The following CELF1 variants were observed in gnomAD, a reference collection of about 807,000 sequenced individuals.
CELF1 encodes the protein 50 kDa nuclear polyadenylated RNA-binding protein.
Under a neutral mutation model 61.8 loss-of-function variants are expected in CELF1, and 10 were observed. The ratio of observed to expected loss-of-function variants is 0.16; its 90% CI spans 0.10 to 0.27. CELF1 has a LOEUF of 0.27. CELF1 is among the 10% of genes least tolerant of loss of function. CELF1 has a pLI of 1.00. For synonymous variants in CELF1, 236 were observed against 225.1 expected (o/e 1.05, Z -0.43); for missense variants, 380 against 639.1 (o/e 0.59, Z 4.37).
chr11:47,495,489 C>T lies in CELF1; in HGVS notation c.71+3964G>A, dbSNP rs555088050. Among the ~76,000 whole-genome samples, 8 of 152,220 alleles carry T rather than the reference C, an allele frequency of 5.3e-5. No homozygotes were observed. The South Asian group carries it at 1.5e-3, about 28-fold the overall frequency. On this transcript the variant is annotated intron_variant, in intron 3 of 14. Coordinates refer to ENST00000687097, the MANE Select transcript of CELF1 (RefSeq NM_001376376.1). The stretch of plus-strand genomic sequence containing the variant: ...TGCAATTAAATAGTGGAAATGGTTA[C>T]ACAACTCTGGAATATACTAAAAATC...
At chr11:47,529,077 C>CTTTT (rs1162581463) in intron 1 of CELF1, among the ~76,000 whole-genome samples, 1 of 133,654 alleles carries the variant, frequency 7.5e-6, no homozygotes, top group African/African-American at 2.7e-5. Context: ...GTTTATTTTA[C>CTTTT]TTTTTTTTTT....
intron 3 of CELF1, chr11:47,496,068 G>C (rs766122749): frequency 2.2e-6 from 2 of 902,646 alleles, no homozygotes; most frequent in Non-Finnish European, 2.7e-6. Context: ...ACAGAAGTGC[G>C]TGAGAATAAA....
intron 2 of CELF1, among the ~76,000 whole-genome samples, chr11:47,500,647 C>T (rs1052233872): frequency 7.2e-5 from 11 of 152,150 alleles, no homozygotes; most frequent in Non-Finnish European, 1.0e-4. Flanking sequence ...CTAGTGAGTG[C>T]ACACATAAAA....
intron 12 of CELF1, among the ~76,000 whole-genome samples, chr11:47,476,280 C>T (rs1295078791): frequency 6.6e-6 from 1 of 152,202 alleles, no homozygotes; most frequent in Non-Finnish European, 1.5e-5. Flanking sequence ...GTATGAGCCA[C>T]TGTACCTGGC....
upstream of CELF1, among the ~76,000 whole-genome samples, chr11:47,554,186 T>C (rs1463722489): frequency 2.6e-5 from 4 of 151,974 alleles, no homozygotes; most frequent in Non-Finnish European, 4.4e-5. Flanking sequence ...CTTTCGCCTT[T>C]GGGGGGGAAA....
chr11:47,533,492 T>C (rs920549077), intron 1 of CELF1, among the ~76,000 whole-genome samples: 4 of 152,090 alleles, frequency 2.6e-5, no homozygotes, highest in Admixed American at 1.3e-4. Flanking sequence ...CATGGCAGTG[T>C]ATGCCTGTAG....
At position 47,493,408 on chromosome 11, in the gene CELF1, T is replaced by C. The variant is rs562053475; in HGVS notation, c.72-4384A>G. Among the ~76,000 whole-genome samples, 639 of 147,496 alleles carry C rather than the reference T, an allele frequency of 4.3e-3. 2 individuals are homozygous for C. The highest frequency in any genetic ancestry group is 0.015 in the African/African-American group (585 of 39,676). On this transcript the variant is annotated intron_variant, in intron 3 of 14. Coordinates refer to ENST00000687097, the MANE Select transcript of CELF1 (RefSeq NM_001376376.1). ...CTGTAGTCCCAGCTACTCAGGAGGC[T>C]GAAGCAGGAGAATCACTTGAACCCG... is the stretch of plus-strand genomic sequence containing the variant.
At chr11:47,510,428 C>A (rs781756308) in intron 1 of CELF1, among the ~76,000 whole-genome samples, 7 of 152,196 alleles carry the variant, frequency 4.6e-5, no homozygotes, top group Admixed American at 6.5e-5. Flanking sequence ...GGGCCTGTGG[C>A]ACGATGATGT....
chr11:47,551,079 T>A (rs1434613126), intron 1 of CELF1, among the ~76,000 whole-genome samples: 6 of 151,724 alleles, frequency 4.0e-5, no homozygotes. Context: ...GTAAGTCACT[T>A]AATTTCTAGG....
chr11:47,547,065 C>CAGAAAAA (rs2096973737), intron 1 of CELF1, among the ~76,000 whole-genome samples: 1 of 39,954 alleles, frequency 2.5e-5, no homozygotes, highest in African/African-American at 1.5e-4. Flanking sequence ...AACTCCACCT[C>CAGAAAAA]AAAAAAAAAA....
intron 1 of CELF1, among the ~76,000 whole-genome samples, chr11:47,517,428 G>A (rs2095618829): frequency 1.3e-5 from 2 of 152,020 alleles, no homozygotes; most frequent in African/African-American, 4.8e-5. Context: ...ATTAATTGAA[G>A]GCTATTAAAT....
chr11:47,530,132 A>G (rs2096415092), intron 1 of CELF1, among the ~76,000 whole-genome samples: 1 of 152,230 alleles, frequency 6.6e-6, no homozygotes, highest in South Asian at 2.1e-4. Context: ...AGGCTTAACT[A>G]GTAAACTCAA....
intron 9 of CELF1, among the ~76,000 whole-genome samples, chr11:47,479,484 A>T (rs2081824663): frequency 6.6e-6 from 1 of 152,230 alleles, no homozygotes; most frequent in Non-Finnish European, 1.5e-5. Context: ...GGACCACATG[A>T]CTAATAATCA....
chr11:47,544,614 A>G (rs934081684), intron 1 of CELF1, among the ~76,000 whole-genome samples: 2 of 152,210 alleles, frequency 1.3e-5, no homozygotes, highest in Non-Finnish European at 2.9e-5. Flanking sequence ...ATTTTCATCA[A>G]AATTTTCTTA....
At chr11:47,537,932 A>G (rs1598304649) in intron 1 of CELF1, among the ~76,000 whole-genome samples, 1 of 149,410 alleles carries the variant, frequency 6.7e-6, no homozygotes, top group African/African-American at 2.5e-5. Flanking sequence ...TTTTTTTTTT[A>G]AAGAAAGGTG....
At chr11:47,495,692 A>G (rs2092958067) in intron 3 of CELF1, among the ~76,000 whole-genome samples, 1 of 152,188 alleles carries the variant, frequency 6.6e-6, no homozygotes, top group South Asian at 2.1e-4. Context: ...TCAGAAAGAT[A>G]CACTTTCTAG....
chr11:47,517,140 G>A (rs1373615808), intron 1 of CELF1, among the ~76,000 whole-genome samples: 1 of 151,758 alleles, frequency 6.6e-6, no homozygotes, highest in Non-Finnish European at 1.5e-5. Context: ...CCAGTTACTT[G>A]GGAAGCTGAG....
chr11:47,515,301 G>A lies in CELF1; in HGVS notation c.-153-14369C>T, dbSNP rs57399046. 5.9e-5 allele frequency among the ~76,000 whole-genome samples: 9 copies of A among 152,318 alleles called. No homozygotes were observed. In the East Asian group the frequency reaches 1.2e-3, roughly 20 times the overall value. The stretch of plus-strand genomic sequence containing the variant: ...AGGGAGTGGGAGCTCTGAACCCACC[G>A]AGGGAGGGTGCTCGCTCCAAGGACT... On this transcript the variant is annotated intron_variant, in intron 1 of 14. Coordinates refer to ENST00000687097, the MANE Select transcript of CELF1 (RefSeq NM_001376376.1).
At chr11:47,490,585 C>T (rs1202636447) in intron 3 of CELF1, among the ~76,000 whole-genome samples, 2 of 151,946 alleles carry the variant, frequency 1.3e-5, no homozygotes, top group Admixed American at 1.3e-4. Context: ...CACCACCATG[C>T]GTGGTTAATT....
Sources: gnomAD v4.1 joint callset for allele counts (sites outside exome capture counted in the v4.1 genomes callset) on GRCh38, gnomAD v4.1.1 for gene constraint, MANE v1.5 for transcripts, NCBI Gene and HGNC (gene_info 2026-07-23, HGNC 2026-07-21) for gene names.